SLC15A5: variants seen among roughly 807,000 people sequenced by gnomAD.
The protein encoded by SLC15A5 is solute carrier family 15 member 5, also known as Peptide/histidine transporter ENSP00000340402.
A neutral mutation model predicts 56.1 loss-of-function variants in SLC15A5; 58 were observed. The observed-to-expected ratio is 1.03, with a 90% CI of 0.84 to 1.29. The LOEUF (loss-of-function observed/expected upper bound fraction) is 1.29, where lower values mean the gene tolerates loss of function less well. SLC15A5 is among the 50% of genes most tolerant of loss of function. The probability of loss-of-function intolerance (pLI) is 0.00; values close to 1 mark genes in which losing one functional copy is unlikely to be tolerated. For missense variants in SLC15A5, 681 were observed against 672.1 expected, an observed-to-expected ratio of 1.01 and a Z score of -0.15; for synonymous variants, 264 against 250.5, an observed-to-expected ratio of 1.05 and a Z score of -0.51.
rs576171079 is a variant in SLC15A5, at chr12:16,245,949, C to G, written c.755-1149G>C. ...AGTGGTTAGATTGATTTGATCTGGT[C>G]TTTTCTTCAAGAGTTGTAATAGACC... On this transcript the variant is annotated intron_variant, in intron 3 of 8. Coordinates refer to ENST00000344941, the MANE Select transcript of SLC15A5 (RefSeq NM_001170798.1). Among the ~76,000 whole-genome samples, 13 of 152,144 alleles carry G rather than the reference C, an allele frequency of 8.5e-5. No homozygotes were observed. The East Asian group carries it at 2.3e-3, about 27-fold the overall frequency.
At chr12:16,210,745 A>G (rs1374101880) in intron 7 of SLC15A5, among the ~76,000 whole-genome samples, 1 of 152,164 alleles carries the variant, frequency 6.6e-6, no homozygotes, top group Non-Finnish European at 1.5e-5. Flanking sequence ...TCTGACTCAA[A>G]TGTCTGCCTT....
At chr12:16,225,054 A>G (rs150626621) in intron 5 of SLC15A5, among the ~76,000 whole-genome samples, 248 of 152,274 alleles carry the variant, frequency 1.6e-3, no homozygotes, top group African/African-American at 5.8e-3. Flanking sequence ...AAAGGACATG[A>G]ACCCATGATT....
At chr12:16,219,434 A>G (rs995193803) in intron 6 of SLC15A5, among the ~76,000 whole-genome samples, 8 of 152,188 alleles carry the variant, frequency 5.3e-5, no homozygotes, top group Non-Finnish European at 1.0e-4. Flanking sequence ...GTACAAGGAG[A>G]CAAGCAATGA....
intron 5 of SLC15A5, among the ~76,000 whole-genome samples, chr12:16,234,792 G>A (rs1864331247): frequency 6.6e-6 from 1 of 152,088 alleles, no homozygotes; most frequent in Admixed American, 6.6e-5. Flanking sequence ...AAACATTAGG[G>A]TTGCACTTGT....
chr12:16,265,377 T>G (rs1864683663), intron 2 of SLC15A5, among the ~76,000 whole-genome samples: 1 of 152,212 alleles, frequency 6.6e-6, no homozygotes, highest in Non-Finnish European at 1.5e-5. Context: ...CTCCTTAACT[T>G]GTCCTATTTC....
chr12:16,245,864 A>G (rs1864456081), intron 3 of SLC15A5, among the ~76,000 whole-genome samples: 2 of 152,236 alleles, frequency 1.3e-5, no homozygotes, highest in African/African-American at 2.4e-5. Flanking sequence ...TATATGCCAT[A>G]GAGTCTTGGT....
At chr12:16,204,525 GAT>G (rs1863995256) in intron 7 of SLC15A5, among the ~76,000 whole-genome samples, 1 of 150,476 alleles carries the variant, frequency 6.6e-6, no homozygotes, top group Non-Finnish European at 1.5e-5. Flanking sequence ...ATAAATAAAA[GAT>G]AACCAAAAAG....
chr12:16,276,386 G>A (rs1161612704), intron 1 of SLC15A5, among the ~76,000 whole-genome samples: 1 of 152,006 alleles, frequency 6.6e-6, no homozygotes, highest in Non-Finnish European at 1.5e-5. Flanking sequence ...ATATTCCCAA[G>A]TTGCTCAGAT....
At chr12:16,227,670 C>T (rs956482632) in intron 5 of SLC15A5, among the ~76,000 whole-genome samples, 3 of 152,008 alleles carry the variant, frequency 2.0e-5, no homozygotes, top group Non-Finnish European at 4.4e-5. Flanking sequence ...AGATTGGGGT[C>T]AGATCATAAG....
intron 7 of SLC15A5, among the ~76,000 whole-genome samples, chr12:16,208,645 T>A (rs1864045554): frequency 6.6e-6 from 1 of 152,120 alleles, no homozygotes; most frequent in Admixed American, 6.6e-5. Context: ...CCAGCCTGGA[T>A]GACAGGGCAA....
chr12:16,231,495 A>C (rs112300223), intron 5 of SLC15A5, among the ~76,000 whole-genome samples: 6 of 152,266 alleles, frequency 3.9e-5, no homozygotes, highest in African/African-American at 9.6e-5. Context: ...TAATCCTCCT[A>C]ATCCCCTGAG....
intron 3 of SLC15A5, among the ~76,000 whole-genome samples, chr12:16,254,938 A>C (rs1342603564): frequency 6.6e-6 from 1 of 152,140 alleles, no homozygotes; most frequent in Non-Finnish European, 1.5e-5. Flanking sequence ...CTGTAGGATG[A>C]CTATAGTTAA....
intron 1 of SLC15A5, among the ~76,000 whole-genome samples, chr12:16,273,699 CTCT>C (rs1864786605): frequency 6.6e-6 from 1 of 150,798 alleles, no homozygotes; most frequent in Admixed American, 6.6e-5. Context: ...TGTAATCTCC[CTCT>C]TCTTGGACCT....
At chr12:16,245,034 T>C (rs1864449192) in intron 3 of SLC15A5, among the ~76,000 whole-genome samples, 1 of 152,108 alleles carries the variant, frequency 6.6e-6, no homozygotes, top group African/African-American at 2.4e-5. Context: ...GTAAGATCAA[T>C]GAAAACATAT....
chr12:16,259,360 CTCCTTCCT>C (rs1024443406), intron 2 of SLC15A5, among the ~76,000 whole-genome samples: 1 of 150,774 alleles, frequency 6.6e-6, no homozygotes, highest in Admixed American at 6.6e-5. Context: ...CCTCTCTTCC[CTCCTTCCT>C]TCCTTCCTTG....
intron 6 of SLC15A5, among the ~76,000 whole-genome samples, chr12:16,221,672 GAGA>G (rs1338839604): frequency 6.6e-6 from 1 of 152,136 alleles, no homozygotes; most frequent in African/African-American, 2.4e-5. Context: ...CTTATGTTTT[GAGA>G]AGAACACCAC....
At chr12:16,223,033 AAAG>A (rs1187354869) in intron 6 of SLC15A5, among the ~76,000 whole-genome samples, 1 of 152,218 alleles carries the variant, frequency 6.6e-6, no homozygotes, top group Non-Finnish European at 1.5e-5. Flanking sequence ...AATTATAAAA[AAAG>A]AAGTCTGAGA....
At chr12:16,211,690 A>T (rs1171230072) in intron 7 of SLC15A5, among the ~76,000 whole-genome samples, 1 of 152,182 alleles carries the variant, frequency 6.6e-6, no homozygotes, top group African/African-American at 2.4e-5. Context: ...TGACTTCTTC[A>T]TTCCCTTATA....
chr12:16,224,208 A>C (rs1380352064), intron 6 of SLC15A5, among the ~76,000 whole-genome samples: 1 of 152,230 alleles, frequency 6.6e-6, no homozygotes, highest in Non-Finnish European at 1.5e-5. Flanking sequence ...ATCCAGGCAG[A>C]ATTGATAATT....
Sources: allele counts gnomAD v4.1 joint callset (sites outside exome capture counted in the v4.1 genomes callset), GRCh38; gene constraint gnomAD v4.1.1; transcripts MANE v1.5; gene names NCBI Gene and HGNC (gene_info 2026-07-23, HGNC 2026-07-21).